PRPF6: variants seen among roughly 807,000 people sequenced by gnomAD.
PRPF6 encodes pre-mRNA-processing factor 6.
In PRPF6, 42 loss-of-function variants were observed where a neutral mutation model predicts 118.3. That is an observed-to-expected ratio of 0.35 (90% CI 0.28 to 0.46). The LOEUF (loss-of-function observed/expected upper bound fraction) is 0.46, where lower values mean the gene tolerates loss of function less well. PRPF6 is among the 20% of genes least tolerant of loss of function. PRPF6 has a pLI of 1.00. For synonymous variants in PRPF6, 481 were observed against 485.1 expected, an observed-to-expected ratio of 0.99 and a Z score of 0.11; for missense variants, 662 against 1,255.7, an observed-to-expected ratio of 0.53 and a Z score of 7.15.
Position 63,983,182 on chromosome 20 carries a change from C to A in PRPF6, c.207C>A (p.Asp69Glu). ...QMKKNQAADD[D>E]DEDLNDTNYD... Reference sequence around the variant, plus strand: ...AGAAAAATCAGGCTGCTGACGATGACGACGAGGATCTAAATGACACCAATT... The same window carrying A: ...AGAAAAATCAGGCTGCTGACGATGAAGACGAGGATCTAAATGACACCAATT... Residue 69 changes from aspartate (D) to glutamate (E), a missense_variant, in exon 2 of 21, where the codon GAC becomes GAA. Around this residue, in one of 10 missense-constraint regions of PRPF6, gnomAD observed 21 missense variants for 45.5 expected, o/e 0.46. Transcript: ENST00000266079. 6.2e-7 allele frequency: 1 copy of A among 1,614,174 alleles called. No homozygotes were observed. The highest frequency in any genetic ancestry group is 8.5e-7 in the Non-Finnish European group (1 of 1,180,042).
At position 64,032,017 on chromosome 20, in the gene PRPF6, C is replaced by T; in HGVS notation, c.2646C>T (p.Tyr882=). ...SDLGDAWAFF[Y]KFELQHGTEE... is the part of the protein sequence containing the mutation. ...TGGGGGATGCCTGGGCCTTCTTCTA[C>T]AAGTTTGAGCTGCAGCATGGCACTG... The change falls in exon 20 of 21, where the codon TAC becomes TAT. Residue 882 remains tyrosine, a synonymous_variant. Coordinates refer to ENST00000266079, the MANE Select transcript of PRPF6 (RefSeq NM_012469.4). 6.2e-7 allele frequency: 1 copy of T among 1,614,102 alleles called. No homozygotes were observed. Among genetic ancestry groups the T allele is most frequent in the Non-Finnish European group, 8.5e-7 (1 of 1,180,034 alleles).
intron 8 of PRPF6, 124 bp from the exon 9 acceptor site, chr20:64,000,953 G>C: frequency 1.0e-6 from 1 of 984,844 alleles, no homozygotes; most frequent in African/African-American, 1.6e-5. Context: ...TGTGTTAGAG[G>C]CTGAGCTAAT....
At chr20:64,022,639 T>C (rs1035891777) in intron 12 of PRPF6, 118 bp from the exon 13 acceptor site, 4 of 1,476,470 alleles carry the variant, frequency 2.7e-6, no homozygotes, top group Non-Finnish European at 9.4e-7. Context: ...TAAAACACTG[T>C]GGTACACCTT....
chr20:64,026,845 T>A lies in PRPF6; in HGVS notation c.2029-137T>A. On this transcript the variant is annotated intron_variant, in intron 15 of 20. Coordinates refer to ENST00000266079, the MANE Select transcript of PRPF6 (RefSeq NM_012469.4). The surrounding 1 kb of genome is among the most constrained non-coding windows in gnomAD (Gnocchi z 4.4). ...AAAAACATATATTTATCCCCACCTTTTGTGTACACAAACAGGCTATGAAAA... is the reference window on the plus strand; with the variant it reads ...AAAAACATATATTTATCCCCACCTTATGTGTACACAAACAGGCTATGAAAA... The A allele has an allele frequency of 1.1e-6, 1 of 890,782 alleles. No homozygotes were observed. The allele number at this position is 890,782 out of a possible 1,614,324, so 55.2% of individuals were successfully genotyped here. A position where few individuals can be genotyped will look rare whatever the true frequency, so the allele number is the denominator to read the frequency against.
chr20:63,995,351 T>A lies in PRPF6; in HGVS notation c.640T>A (p.Tyr214Asn). ...GCAATTTGGAGGTCTTAACACACCC[T>A]ATCCAGGTGGACTAAACACTCCATA... Reference protein sequence around the residue: ...QTQFGGLNTPYPGGLNTPYPG... With the variant: ...QTQFGGLNTPNPGGLNTPYPG... Residue 214 changes from tyrosine (Y) to asparagine (N), a missense_variant, in exon 6 of 21, where the codon TAT (tyrosine) becomes AAT (asparagine). Transcript: ENST00000266079. 6.2e-7 allele frequency: 1 copy of A among 1,613,534 alleles called. No homozygotes were observed. Among genetic ancestry groups the A allele is most frequent in the South Asian group, 1.1e-5 (1 of 90,998 alleles).
Position 64,026,460 on chromosome 20 carries a change from C to T in PRPF6, c.2028+402C>T, listed in dbSNP as rs1435169197. ...GGTGGAGGTTGCGGTGAGCTGAGAT[C>T]GCGCCACTGCACTCCAGCCTGGGCA... is the stretch of plus-strand genomic sequence containing the variant. On this transcript the variant is annotated intron_variant, in intron 15 of 20. Transcript: ENST00000266079. The surrounding 1 kb of genome is among the most constrained non-coding windows in gnomAD (Gnocchi z 4.4). Among the ~76,000 whole-genome samples, 3 of 151,900 alleles carry T rather than the reference C, an allele frequency of 2.0e-5. No homozygotes were observed. Among genetic ancestry groups the T allele is most frequent in the Non-Finnish European group, 2.9e-5 (2 of 68,000 alleles).
At chr20:63,989,692 T>G (rs980425721) in intron 3 of PRPF6, among the ~76,000 whole-genome samples, 2 of 151,808 alleles carry the variant, frequency 1.3e-5, no homozygotes, top group African/African-American at 4.8e-5. Context: ...GTTTTTGTAT[T>G]TTAGTAGAGA....
At chr20:63,997,431 C>A (rs1434502620) in intron 6 of PRPF6, among the ~76,000 whole-genome samples, 1 of 150,764 alleles carries the variant, frequency 6.6e-6, no homozygotes, top group Non-Finnish European at 1.5e-5. Flanking sequence ...GCTGGGACTA[C>A]AGGTGTGCAC....
rs1368610111 is a variant in PRPF6 at position 63,981,327 on chromosome 20, G to C, written c.71+11G>C. ...GGGGCTGGGCCGGGGGTGAGGCCTGGGGCGGCGCGCGAGGGGCGGGGACCC... is the reference window on the plus strand; with the variant it reads ...GGGGCTGGGCCGGGGGTGAGGCCTGCGGCGGCGCGCGAGGGGCGGGGACCC... On this transcript the variant is annotated intron_variant, in intron 1 of 20. Transcript: ENST00000266079. 1 of 1,574,472 alleles carries C rather than the reference G, an allele frequency of 6.4e-7. No homozygotes were observed. The highest frequency in any genetic ancestry group is 2.3e-5 in the East Asian group (1 of 42,848).
intron 6 of PRPF6, among the ~76,000 whole-genome samples, chr20:63,997,711 T>G (rs945830053): frequency 1.3e-5 from 2 of 152,116 alleles, no homozygotes; most frequent in African/African-American, 4.8e-5. Context: ...CGCCTCAGCC[T>G]CCCAGGATGC....
chr20:63,989,110 G>A (rs1248729310), intron 3 of PRPF6, among the ~76,000 whole-genome samples: 1 of 152,122 alleles, frequency 6.6e-6, no homozygotes, highest in African/African-American at 2.4e-5. Context: ...ACTCATTCTT[G>A]ACAAATGTAC....
In PRPF6 at chr20:64,027,600, C is replaced by A; in HGVS notation, c.2206-3C>A. The A allele has an allele frequency of 6.2e-7, 1 of 1,614,088 alleles. No individual in the cohort carries two copies. Among genetic ancestry groups the A allele is most frequent in the Non-Finnish European group, 8.5e-7 (1 of 1,180,032 alleles). ...GAGCTGCTCTCTTACTTGTTGGTTG[C>A]AGTTGAAGAAGTGTCCCCACTCCAC... On this transcript the variant is annotated splice_polypyrimidine_tract_variant and splice_region_variant and intron_variant, in intron 16 of 20. Coordinates refer to ENST00000266079, the MANE Select transcript of PRPF6 (RefSeq NM_012469.4). This position sits in a 1 kb window ranked among gnomAD's most constrained non-coding sequence, Gnocchi z 6.5.
intron 12 of PRPF6, 56 bp downstream of exon 12, chr20:64,016,901 A>G: frequency 6.2e-7 from 1 of 1,611,458 alleles, no homozygotes; most frequent in Admixed American, 1.7e-5. Context: ...TTGTGGGAAC[A>G]GCAGGCACCT....
chr20:63,988,837 C>A (rs2059106244), intron 3 of PRPF6, among the ~76,000 whole-genome samples: 1 of 151,594 alleles, frequency 6.6e-6, no homozygotes, highest in Non-Finnish European at 1.5e-5. Flanking sequence ...CCATTGCACT[C>A]CGGCCTGGGC....
intron 1 of PRPF6, among the ~76,000 whole-genome samples, chr20:63,982,488 G>A (rs1204788345): frequency 6.6e-6 from 1 of 152,182 alleles, no homozygotes. Flanking sequence ...TTTACTCAGA[G>A]CTGTGTTTTG....
chr20:64,020,418 A>G (rs1368043946), intron 12 of PRPF6, among the ~76,000 whole-genome samples: 4 of 152,030 alleles, frequency 2.6e-5, no homozygotes, highest in African/African-American at 9.6e-5. Context: ...TCTGTCTTTA[A>G]AAAAAAATCC....
chr20:64,022,859 GAGA>G lies in PRPF6; in HGVS notation c.1755_1757del (p.Lys585del). ...TGTGTGGCTGCGCGCCGCGTACTTC[GAGA>G]AGAACCATGGCACTCGGTATGTGGT... is the stretch of plus-strand genomic sequence containing the variant. On this transcript the variant is annotated inframe_deletion, in exon 13 of 21. Transcript: ENST00000266079. 1 of 1,614,056 alleles carries G rather than the reference GAGA, an allele frequency of 6.2e-7. No individual in the cohort carries two copies. Among genetic ancestry groups the G allele is most frequent in the Non-Finnish European group, 8.5e-7 (1 of 1,179,990 alleles).
rs929967333 is a variant in PRPF6, at chr20:63,989,358, G to A, written c.360-4049G>A. Among the ~76,000 whole-genome samples, 5 of 152,134 alleles carry A rather than the reference G, an allele frequency of 3.3e-5. No individual in the cohort carries two copies. The East Asian group carries it at 7.7e-4, about 24-fold the overall frequency. The stretch of plus-strand genomic sequence containing the variant: ...TACCCCACAAGCACAGGCAACGAAC[G>A]GAAGCCAGGTGTGGTGGCTCGCTCC... On this transcript the variant is annotated intron_variant, in intron 3 of 20. Transcript: ENST00000266079.
At chr20:63,996,635 A>G (rs2059142191) in intron 6 of PRPF6, among the ~76,000 whole-genome samples, 2 of 152,166 alleles carry the variant, frequency 1.3e-5, no homozygotes, top group African/African-American at 2.4e-5. Flanking sequence ...TTACATAGAA[A>G]TTGTAAAACT....
Sources: allele counts gnomAD v4.1 joint callset (sites outside exome capture counted in the v4.1 genomes callset), GRCh38; gene constraint gnomAD v4.1.1; regional missense constraint gnomAD v4.1.1; non-coding constraint Gnocchi (gnomAD v3.1); transcripts MANE v1.5; gene names NCBI Gene and HGNC (gene_info 2026-07-23, HGNC 2026-07-21).